Variants in VPS33A observed in about 807,000 individuals in gnomAD.
The protein encoded by VPS33A is VPS33A core subunit of CORVET and HOPS complexes.
In VPS33A, 32 loss-of-function variants were observed where a neutral mutation model predicts 71.8. The observed-to-expected ratio is 0.45, with a 90% CI of 0.34 to 0.60. VPS33A has a LOEUF of 0.60. Among genes scored for constraint, VPS33A ranks in the 20% least tolerant of loss-of-function variants. The pLI is 0.02. For missense variants in VPS33A, 625 were observed against 748.5 expected (o/e 0.84, Z 1.92); for synonymous variants, 311 against 292.7 (o/e 1.06, Z -0.64).
rs1216106582 is a variant in VPS33A at position 122,230,818 on chromosome 12, C to T, written c.*1428G>A. 2 of 152,174 alleles carry T rather than the reference C, an allele frequency of 1.3e-5. No individual in the cohort carries two copies. Among genetic ancestry groups the T allele is most frequent in the Admixed American group, 1.3e-4 (2 of 15,276 alleles). 9.4% of individuals were successfully genotyped at this position (152,174 alleles called of 1,614,324 possible). The stretch of plus-strand genomic sequence containing the variant: ...TGGAGGAGCAGAGGGGCAGAGAACA[C>T]ACGGATTTTCAACTTCTCCTCCAAC... On this transcript the variant is annotated 3_prime_UTR_variant, in exon 13 of 13. Coordinates refer to ENST00000267199, the MANE Select transcript of VPS33A (RefSeq NM_022916.6).
intron 10 of VPS33A, among the ~76,000 whole-genome samples, chr12:122,238,283 T>C (rs1189813519): frequency 6.6e-6 from 1 of 152,196 alleles, no homozygotes; most frequent in Non-Finnish European, 1.5e-5. Context: ...TGCAGGGGCA[T>C]GATCTTGACA....
In VPS33A at chr12:122,238,599, T is replaced by C; in HGVS notation, c.1290A>G (p.Arg430=). 6.2e-7 allele frequency: 1 copy of C among 1,607,990 alleles called. No homozygotes were observed. The part of the protein sequence containing the change: ...LKQKVLDYYK[R]EILQTYGYEH... ...AAAATATACTCACCTGGAGAATCTC[T>C]CTTTTGTAATAATCCAAAACTTTTT... The change falls in exon 10 of 13, where the codon AGA becomes AGG. Residue 430 remains arginine, a synonymous_variant. Coordinates refer to ENST00000267199, the MANE Select transcript of VPS33A (RefSeq NM_022916.6).
rs367899255 is a variant in VPS33A, at chr12:122,250,973, C to G, written c.600+10G>C. ...CCCTCCTTTACCACCACAAAGCAGC[C>G]GGTTCTCACCCGAGCGCATTCTCCT... is the stretch of plus-strand genomic sequence containing the variant. On this transcript the variant is annotated intron_variant, in intron 5 of 12. Transcript: ENST00000267199. 6.2e-7 allele frequency: 1 copy of G among 1,607,598 alleles called. No individual in the cohort carries two copies. Among genetic ancestry groups the G allele is most frequent in the East Asian group, 2.2e-5 (1 of 44,788 alleles).
chr12:122,239,806 G>T, intron 9 of VPS33A, 72 bp downstream of exon 9: 2 of 816,630 alleles, frequency 2.4e-6, no homozygotes, highest in Non-Finnish European at 1.8e-6. Flanking sequence ...CAAAGCAATT[G>T]GTTTTCTGGC....
chr12:122,235,955 G>T, intron 10 of VPS33A, 32 bp from the exon 11 acceptor site: 1 of 1,575,458 alleles, frequency 6.3e-7, no homozygotes, highest in Non-Finnish European at 8.6e-7. Context: ...CTTGATGTCA[G>T]ATCAGGAAAA....
At position 122,263,616 on chromosome 12, in the gene VPS33A, T is replaced by C. The variant is rs745915091; in HGVS notation, c.252A>G (p.Arg84=). The C allele has an allele frequency of 3.7e-6, 6 of 1,613,144 alleles. No individual in the cohort carries two copies. The highest frequency in any genetic ancestry group is 3.3e-4 in the Middle Eastern group (2 of 6,056). Residue 84 remains arginine (R), a synonymous_variant, in exon 3 of 13, where the codon AGA becomes AGG. Coordinates refer to ENST00000267199, the MANE Select transcript of VPS33A (RefSeq NM_022916.6). ...ADVKNIIFFV[R]PRLELMDIIA... ...TTATATCCATCAACTCTAGCCTGGG[T>C]CTGACAAAAAAAATTATATTCTTCA... is the stretch of plus-strand genomic sequence containing the variant.
intron 7 of VPS33A, 78 bp downstream of exon 7, chr12:122,244,491 T>C: frequency 7.8e-7 from 1 of 1,281,698 alleles, no homozygotes; most frequent in Non-Finnish European, 1.1e-6. Context: ...TACATATTTT[T>C]GGAGCTCTTA....
At chr12:122,251,133 T>TG (rs1954838671) in intron 4 of VPS33A, 34 bp from the exon 5 acceptor site, 1 of 1,505,068 alleles carries the variant, frequency 6.6e-7, no homozygotes, top group African/African-American at 1.4e-5. Flanking sequence ...TGCCAGGCCA[T>TG]GGGGGCCTCC....
intron 4 of VPS33A, chr12:122,253,063 C>A (rs1264273697): frequency 6.6e-6 from 1 of 152,132 alleles, no homozygotes; most frequent in African/African-American, 2.4e-5. Context: ...ACTTGTCAGG[C>A]CCTCTGCCCC....
rs113760040 is a variant in VPS33A at position 122,232,587 on chromosome 12, T to TA, written c.1610-161dup. Among the ~76,000 whole-genome samples the TA allele has an allele frequency of 2.4e-3, 359 of 151,292 alleles. 6 individuals are homozygous for TA. In the East Asian group the frequency reaches 0.044, roughly 19 times the overall value. ...TGATTTTGATCTCAACATTTTTTTT[T>TA]AACTTCTGAGATTCTCAACACAGAA... On this transcript the variant is annotated intron_variant, in intron 12 of 12. Transcript: ENST00000267199.
At chr12:122,264,848 T>C (rs1592935661) in intron 1 of VPS33A, 1 of 152,110 alleles carries the variant, frequency 6.6e-6, no homozygotes, top group Admixed American at 6.5e-5. Context: ...ATCTGTGTCA[T>C]GGTATCATTA....
chr12:122,261,268 G>A lies in VPS33A; in HGVS notation c.476C>T (p.Ala159Val). The change falls in exon 4 of 13, where the codon GCA becomes GTA. Residue 159 changes from alanine (A) to valine (V), a missense_variant. Transcript: ENST00000267199. ...GDLLSMESEG[A>V]FKECYLEGDQ... ...AGGAAATGCCAAACTTACTTTGAAT[G>A]CACCCTCTGATTCCATGGATAAGAG... The A allele has an allele frequency of 6.3e-7, 1 of 1,597,616 alleles. No homozygotes were observed.
In VPS33A at chr12:122,244,656, C is replaced by T; in HGVS notation, c.882G>A (p.Glu294=). The change falls in exon 7 of 13, where the codon GAG becomes GAA. Residue 294 remains glutamate (E), a synonymous_variant. Coordinates refer to ENST00000267199, the MANE Select transcript of VPS33A (RefSeq NM_022916.6). ...TCTTATCTCGGATCTCAGCATAGAG[C>T]TCCTCTGCAGAATTCAGCTGCAGCT... ...AKKLQLNSAE[E]LYAEIRDKNF... 1 of 1,614,168 alleles carries T rather than the reference C, an allele frequency of 6.2e-7. No individual in the cohort carries two copies. The highest frequency in any genetic ancestry group is 1.1e-5 in the South Asian group (1 of 91,078).
At chr12:122,243,232 T>C (rs1358242026) in intron 7 of VPS33A, among the ~76,000 whole-genome samples, 1 of 152,092 alleles carries the variant, frequency 6.6e-6, no homozygotes, top group African/African-American at 2.4e-5. Context: ...AAAAAATCCA[T>C]TTTTTCTGTT....
At chr12:122,237,038 T>C (rs1284518461) in intron 10 of VPS33A, among the ~76,000 whole-genome samples, 4 of 152,110 alleles carry the variant, frequency 2.6e-5, no homozygotes, top group African/African-American at 7.2e-5. Context: ...TACACAAGGA[T>C]ACATAACTTA....
Position 122,232,785 on chromosome 12 carries a change from T to C in VPS33A, c.1609+15A>G. ...ACAGTACATAATTATCTGTAGATGC[T>C]GGACTGGGACTTACGTTTCTTCTGC... On this transcript the variant is annotated intron_variant, in intron 12 of 12. Coordinates refer to ENST00000267199, the MANE Select transcript of VPS33A (RefSeq NM_022916.6). 6.2e-7 allele frequency: 1 copy of C among 1,605,618 alleles called. No homozygotes were observed. The highest frequency in any genetic ancestry group is 8.5e-7 in the Non-Finnish European group (1 of 1,174,702).
chr12:122,239,021 A>C (rs79033265), intron 9 of VPS33A, among the ~76,000 whole-genome samples: 7,395 of 137,416 alleles, frequency 0.054, 460 homozygotes, highest in African/African-American at 0.18. Flanking sequence ...ACACACACAC[A>C]CCCCCCAGTG....
At chr12:122,242,629 T>G (rs1445953185) in intron 7 of VPS33A, 121 bp from the exon 8 acceptor site, 1 of 1,266,874 alleles carries the variant, frequency 7.9e-7, no homozygotes, top group Non-Finnish European at 1.1e-6. Context: ...CTCGGCTCAC[T>G]GCAACCTCCG....
intron 10 of VPS33A, 138 bp from the exon 11 acceptor site, chr12:122,236,061 G>A: frequency 9.5e-7 from 1 of 1,051,314 alleles, no homozygotes; most frequent in Non-Finnish European, 1.4e-6. Context: ...TTAGTGGATG[G>A]GCACAGAGGA....
Sources: gnomAD v4.1 joint callset for allele counts (sites outside exome capture counted in the v4.1 genomes callset) on GRCh38, gnomAD v4.1.1 for gene constraint, MANE v1.5 for transcripts, NCBI Gene and HGNC (gene_info 2026-07-23, HGNC 2026-07-21) for gene names.